Variants in IGFN1 observed in about 807,000 individuals in gnomAD.
IGFN1 encodes the protein immunoglobulin-like and fibronectin type III domain-containing protein 1.
IGFN1 carries 253 observed loss-of-function variants against 289.5 expected under a neutral mutation model. The observed-to-expected ratio is 0.87, with a 90% CI of 0.79 to 0.97. The LOEUF (loss-of-function observed/expected upper bound fraction) is 0.97. Among genes scored for constraint, IGFN1 ranks in the 50% least tolerant of loss-of-function variants. The pLI, the probability that IGFN1 is intolerant of heterozygous loss-of-function variation, is 0.00. For synonymous variants in IGFN1, 1,706 were observed against 1,788.5 expected (o/e 0.95, Z 1.16); for missense variants, 4,470 against 4,686.1 (o/e 0.95, Z 1.35).
chr1:201,208,843 G>C lies in IGFN1; in HGVS notation c.3950G>C (p.Gly1317Ala), dbSNP rs780412941. ...RDGVGGSGAM[G>A]SMDEAGYRKD... ...GGTGTAGGGGGTTCTGGGGCAATGG[G>C]GTCAATGGATGAAGCAGGTTATAGG... Residue 1317 changes from glycine to alanine, a missense_variant, in exon 12 of 24, where the codon GGG becomes GCG. By Grantham distance (60) the Gly-to-Ala change is moderately conservative. Around this residue, in one of 8 missense-constraint regions of IGFN1, gnomAD observed 2,011 missense variants for 1,953.4 expected, o/e 1.03. Transcript: ENST00000335211. 1.3e-6 allele frequency: 2 copies of C among 1,536,730 alleles called. No homozygotes were observed.
Position 201,226,245 on chromosome 1 carries a change from T to C in IGFN1, c.10786+122T>C, listed in dbSNP as rs1033668784. ...ACTGTGGCAGGGATGGCCTGGAGCA[T>C]GCCAAATAACAGCCAGCAGCCCCGA... On this transcript the variant is annotated intron_variant, in intron 22 of 23. Transcript: ENST00000335211. The C allele has an allele frequency of 4.3e-6, 5 of 1,160,586 alleles. No individual in the cohort carries two copies. The African/African-American group carries it at 4.8e-5, about 11-fold the overall frequency. The allele number at this position is 1,160,586 out of a possible 1,614,324, so 71.9% of individuals were successfully genotyped here.
Position 201,207,216 on chromosome 1 carries a change from C to T in IGFN1, c.2323C>T (p.Pro775Ser), listed in dbSNP as rs968474987. ...VVTGSAYKTG[P>S]GGPGDPRGCE... ...TACAGGAAGTGCCTACAAAACTGGC[C>T]CTGGAGGCCCAGGAGACCCCAGAGG... is the stretch of plus-strand genomic sequence containing the variant. Residue 775 changes from proline to serine, a missense_variant, in exon 12 of 24, where the codon CCT (proline) becomes TCT (serine). By Grantham distance (74) the Pro-to-Ser change is moderately conservative. Transcript: ENST00000335211. 1.3e-6 allele frequency: 2 copies of T among 1,536,786 alleles called. No individual in the cohort carries two copies. Among genetic ancestry groups the T allele is most frequent in the Non-Finnish European group, 1.7e-6 (2 of 1,146,852 alleles).
intron 23 of IGFN1, among the ~76,000 whole-genome samples, chr1:201,227,559 C>T (rs1255040554): frequency 6.6e-6 from 1 of 151,808 alleles, no homozygotes; most frequent in African/African-American, 2.4e-5. Flanking sequence ...TCCTGAATAG[C>T]TGGGATTACA....
chr1:201,194,174 A>G lies in IGFN1; in HGVS notation c.28A>G (p.Ile10Val). ...TCCAGGAAAGCTCCGGAAGTCCCAC[A>G]TCCCTGGAGTGAGCATCTGGCAGCT... MAGKLRKSH[I>V]PGVSIWQLVE... Residue 10 changes from isoleucine to valine, a missense_variant, in exon 3 of 24, where the codon ATC becomes GTC. Around this residue, in one of 8 missense-constraint regions of IGFN1, gnomAD observed 2,011 missense variants for 1,953.4 expected, o/e 1.03. Coordinates refer to ENST00000335211, the MANE Select transcript of IGFN1 (RefSeq NM_001164586.2). The G allele has an allele frequency of 1.3e-6, 2 of 1,551,522 alleles. No individual in the cohort carries two copies. Among genetic ancestry groups the G allele is most frequent in the East Asian group, 2.4e-5 (1 of 40,904 alleles).
rs891598781 is a variant in IGFN1, at chr1:201,207,906, G to A, written c.3013G>A (p.Glu1005Lys). 7.2e-6 allele frequency: 11 copies of A among 1,536,658 alleles called. No homozygotes were observed. In the African/African-American group the frequency reaches 9.6e-5, roughly 13 times the overall value. The change falls in exon 12 of 24, where the codon GAA (glutamate) becomes AAA (lysine). Residue 1005 changes from glutamate (E) to lysine (K), a missense_variant. By Grantham distance (56) the Glu-to-Lys change is moderately conservative. This residue lies in a region of IGFN1 where 2,011 missense variants were observed against 1,953.4 expected (regional missense o/e 1.03). Coordinates refer to ENST00000335211, the MANE Select transcript of IGFN1 (RefSeq NM_001164586.2). ...PRAPAGVESE[E>K]GGGYRHGSGA... Reference sequence around the variant, plus strand: ...GGCACCTGCGGGAGTGGAGTCTGAGGAAGGGGGTGGGTACAGGCATGGCTC... The same window carrying A: ...GGCACCTGCGGGAGTGGAGTCTGAGAAAGGGGGTGGGTACAGGCATGGCTC...
rs1482907119 is a variant in IGFN1, at chr1:201,208,487, C to T, written c.3594C>T (p.Ala1198=). The part of the protein sequence containing the change: ...HPESLAPHNG[A]ASGSQWAYGA... ...AGTCACTCGCACCTCACAATGGGGC[C>T]GCTTCTGGGAGCCAGTGGGCTTATG... Residue 1198 remains alanine, a synonymous_variant, in exon 12 of 24, where the codon GCC becomes GCT. Coordinates refer to ENST00000335211, the MANE Select transcript of IGFN1 (RefSeq NM_001164586.2). 5 of 1,446,720 alleles carry T rather than the reference C, an allele frequency of 3.5e-6. No homozygotes were observed. Among genetic ancestry groups the T allele is most frequent in the African/African-American group, 2.9e-5 (2 of 69,796 alleles). The allele number at this position is 1,446,720 out of a possible 1,614,324, so 89.6% of individuals were successfully genotyped here. A position where few individuals can be genotyped will look rare whatever the true frequency, so the allele number is the denominator to read the frequency against.
chr1:201,223,097 C>A, intron 20 of IGFN1: 1 of 311,050 alleles, frequency 3.2e-6, no homozygotes, highest in Non-Finnish European at 5.9e-6. Flanking sequence ...AGCTACTGCA[C>A]CTCCAAACTA....
chr1:201,202,273 A>T lies in IGFN1; in HGVS notation c.747+441A>T, dbSNP rs1247801961. Among the ~76,000 whole-genome samples the T allele has an allele frequency of 2.0e-5, 3 of 152,154 alleles. No homozygotes were observed. In the East Asian group the frequency reaches 5.8e-4, roughly 29 times the overall value. ...TTTGGCTAGTTCTGTAGCCAAACTC[A>T]TCCAGCTTCATCACTTATAAGCTGT... On this transcript the variant is annotated intron_variant, in intron 9 of 23. Coordinates refer to ENST00000335211, the MANE Select transcript of IGFN1 (RefSeq NM_001164586.2).
At position 201,199,602 on chromosome 1, in the gene IGFN1, T is replaced by C. The variant is rs1667060451; in HGVS notation, c.413-7T>C. 9 of 1,550,998 alleles carry C rather than the reference T, an allele frequency of 5.8e-6. No homozygotes were observed. Among genetic ancestry groups the C allele is most frequent in the African/African-American group, 1.4e-5 (1 of 73,010 alleles). ...GGACTGAGGCCTCATTCCTGCTCCT[T>C]TTTCAGACCTCAGGAAGGAGCTGAT... On this transcript the variant is annotated splice_region_variant and splice_polypyrimidine_tract_variant and intron_variant, in intron 6 of 23. Coordinates refer to ENST00000335211, the MANE Select transcript of IGFN1 (RefSeq NM_001164586.2).
At position 201,210,756 on chromosome 1, in the gene IGFN1, G is replaced by A; in HGVS notation, c.5863G>A (p.Gly1955Arg). 6.5e-7 allele frequency: 1 copy of A among 1,528,268 alleles called. No homozygotes were observed. The highest frequency in any genetic ancestry group is 8.7e-7 in the Non-Finnish European group (1 of 1,143,888). 94.7% of individuals were successfully genotyped at this position (1,528,268 alleles called of 1,614,324 possible). ...TGGTTTAGGGGGTTCTGAAGAAATG[G>A]GGTCAGTGAATAAGGCAGGTTATAG... ...RDGLGGSEEM[G>R]SVNKAGYRKD... Residue 1955 changes from glycine to arginine, a missense_variant, in exon 12 of 24, where the codon GGG becomes AGG. Physicochemically the swap from Gly to Arg is moderately radical, Grantham distance 125 (BLOSUM62 -2). Transcript: ENST00000335211.
chr1:201,194,236 C>T lies in IGFN1; in HGVS notation c.90C>T (p.Asp30=), dbSNP rs746792420. The T allele has an allele frequency of 3.9e-6, 6 of 1,551,628 alleles. No homozygotes were observed. Among genetic ancestry groups the T allele is most frequent in the Non-Finnish European group, 5.2e-6 (6 of 1,146,948 alleles). Residue 30 remains aspartate, a synonymous_variant, in exon 3 of 24, where the codon GAC becomes GAT. Transcript: ENST00000335211. ...TCCCTGAAGGCTGCAGCACGCCGGA[C>T]TTTGAGCAGAAGCCCGTCACCTCGG... ...EEIPEGCSTP[D]FEQKPVTSAL... is the part of the protein sequence containing the mutation.
At position 201,221,651 on chromosome 1, in the gene IGFN1, G is replaced by T; in HGVS notation, c.10106G>T (p.Gly3369Val). 6.2e-7 allele frequency: 1 copy of T among 1,614,232 alleles called. No homozygotes were observed. The highest frequency in any genetic ancestry group is 1.3e-5 in the African/African-American group (1 of 75,062). ...TTYTAKGLRP[G>V]EGYFVRVTAV... ...TACACGGCCAAGGGGCTTCGGCCTG[G>T]AGAGGGCTACTTCGTGCGGGTGACA... Residue 3369 changes from glycine to valine, a missense_variant, in exon 19 of 24, where the codon GGA (glycine) becomes GTA (valine). Coordinates refer to ENST00000335211, the MANE Select transcript of IGFN1 (RefSeq NM_001164586.2).
At position 201,222,727 on chromosome 1, in the gene IGFN1, T is replaced by C; in HGVS notation, c.10202-12T>C. ...GGAGGAGGGAGGTAACCAGTCCTCT[T>C]GTGCGTTTCAGTCTGTCCCAAGTTC... On this transcript the variant is annotated splice_polypyrimidine_tract_variant and intron_variant, in intron 19 of 23. Transcript: ENST00000335211. 6.2e-7 allele frequency: 1 copy of C among 1,605,126 alleles called. No individual in the cohort carries two copies.
chr1:201,206,806 T>A lies in IGFN1; in HGVS notation c.1913T>A (p.Met638Lys). 2 of 1,536,660 alleles carry A rather than the reference T, an allele frequency of 1.3e-6. No homozygotes were observed. Among genetic ancestry groups the A allele is most frequent in the Non-Finnish European group, 1.7e-6 (2 of 1,146,836 alleles). ...TCACAGGATGACAGCCTGGCTGAGA[T>A]GGACAGAGGGGATGCTCCAAGTAGG... The part of the protein sequence containing the change: ...EISQDDSLAE[M>K]DRGDAPSRER... The change falls in exon 12 of 24, where the codon ATG becomes AAG. Residue 638 changes from methionine to lysine, a missense_variant. Met to Lys is a moderately conservative substitution (Grantham distance 95, BLOSUM62 -1). Transcript: ENST00000335211.
In IGFN1 at chr1:201,203,771, C is replaced by A. The variant is rs377381450; in HGVS notation, c.781C>A (p.Gln261Lys). The part of the protein sequence containing the change: ...GEMIPYGFNN[Q>K]TKHCLRRLGK... ...GATGATCCCCTATGGCTTCAACAAC[C>A]AAACCAAGCACTGTCTGCGCCGGCT... Residue 261 changes from glutamine (Q) to lysine (K), a missense_variant, in exon 10 of 24, where the codon CAA becomes AAA. Gln to Lys is a moderately conservative substitution (Grantham distance 53). Transcript: ENST00000335211. 9.7e-6 allele frequency: 15 copies of A among 1,551,736 alleles called. No homozygotes were observed. The South Asian group carries it at 1.3e-4, about 14-fold the overall frequency.
Position 201,216,772 on chromosome 1 carries a change from GC to G in IGFN1, c.9595+20del. The G allele has an allele frequency of 6.4e-7, 1 of 1,574,686 alleles. No individual in the cohort carries two copies. The highest frequency in any genetic ancestry group is 8.6e-7 in the Non-Finnish European group (1 of 1,158,228). ...CCTGAGGGTGAGAGAAAAGGCTGGG[GC>G]TGGGGGTGGGGGACACTCCTGGGCT... On this transcript the variant is annotated intron_variant, in intron 16 of 23. Coordinates refer to ENST00000335211, the MANE Select transcript of IGFN1 (RefSeq NM_001164586.2).
At chr1:201,205,437 G>C in intron 11 of IGFN1, 83 bp downstream of exon 11, 2 of 1,378,216 alleles carry the variant, frequency 1.5e-6, no homozygotes, top group Non-Finnish European at 1.9e-6. Flanking sequence ...GAGGCAGTGG[G>C]ATTTCCTTTG....
At position 201,212,091 on chromosome 1, in the gene IGFN1, A is replaced by C. The variant is rs2102347663; in HGVS notation, c.7198A>C (p.Thr2400Pro). ...SGYWVASEGD[T>P]NSKDGPERAR... is the part of the protein sequence containing the mutation. ...ATATTGGGTAGCATCAGAGGGTGAC[A>C]CGAACTCCAAGGATGGTCCAGAGCG... The change falls in exon 12 of 24, where the codon ACG (threonine) becomes CCG (proline). Residue 2400 changes from threonine to proline, a missense_variant. Transcript: ENST00000335211. The C allele has an allele frequency of 6.5e-7, 1 of 1,536,426 alleles. No individual in the cohort carries two copies.
intron 14 of IGFN1, 134 bp downstream of exon 14, chr1:201,215,288 A>T: frequency 9.1e-7 from 1 of 1,103,396 alleles, no homozygotes; most frequent in East Asian, 2.6e-5. Context: ...CCCAGAGAAG[A>T]TGATTTAAAA....
Sources: gnomAD v4.1 joint callset for allele counts (sites outside exome capture counted in the v4.1 genomes callset) on GRCh38, gnomAD v4.1.1 for gene constraint, gnomAD v4.1.1 regional missense constraint, MANE v1.5 for transcripts, NCBI Gene and HGNC (gene_info 2026-07-23, HGNC 2026-07-21) for gene names.